ARHGEF38: variants seen among roughly 807,000 people sequenced by gnomAD.
ARHGEF38 encodes the protein Rho guanine nucleotide exchange factor (GEF) 38.
A neutral mutation model predicts 79.9 loss-of-function variants in ARHGEF38; 79 were observed. The observed-to-expected ratio is 0.99, with a 90% CI of 0.82 to 1.19. The LOEUF (loss-of-function observed/expected upper bound fraction) is 1.19, where lower values mean the gene tolerates loss of function less well. ARHGEF38 is among the 50% of genes most tolerant of loss of function. ARHGEF38 has a pLI of 0.00. For missense variants in ARHGEF38, 962 were observed against 907.2 expected (o/e 1.06, Z -0.78); for synonymous variants, 366 against 328.3 (o/e 1.11, Z -1.24).
At chr4:105,625,804 A>T (rs1728920641) in intron 3 of ARHGEF38, among the ~76,000 whole-genome samples, 1 of 152,176 alleles carries the variant, frequency 6.6e-6, no homozygotes, top group Non-Finnish European at 1.5e-5. Context: ...CCATGGGGAG[A>T]CAGCTAGCAA....
At chr4:105,607,421 G>T (rs757448726) in intron 2 of ARHGEF38, among the ~76,000 whole-genome samples, 25 of 151,998 alleles carry the variant, frequency 1.6e-4, no homozygotes, top group Non-Finnish European at 3.2e-4. Context: ...CATGTGCATT[G>T]TACAGATTCA....
intron 1 of ARHGEF38, chr4:105,561,518 T>TGG (rs1725617992): frequency 6.7e-6 from 1 of 148,742 alleles, no homozygotes; most frequent in Non-Finnish European, 1.5e-5. Flanking sequence ...TAGAATAGAA[T>TGG]AGAATAGAAT....
chr4:105,664,779 G>C (rs1024515883), intron 10 of ARHGEF38, among the ~76,000 whole-genome samples: 6 of 152,188 alleles, frequency 3.9e-5, no homozygotes, highest in Non-Finnish European at 1.5e-5. Flanking sequence ...AAGAAATATG[G>C]GGAGGGAGCA....
chr4:105,667,834 C>A, intron 13 of ARHGEF38, 131 bp downstream of exon 13: 1 of 1,034,346 alleles, frequency 9.7e-7, no homozygotes, highest in Non-Finnish European at 1.4e-6. Flanking sequence ...GCTCTATTAG[C>A]ACAGTGGATC....
chr4:105,570,659 T>C (rs1560691675), intron 1 of ARHGEF38, among the ~76,000 whole-genome samples: 1 of 152,186 alleles, frequency 6.6e-6, no homozygotes, highest in Non-Finnish European at 1.5e-5. Flanking sequence ...GTAACCATCC[T>C]TGTAACCATC....
chr4:105,566,610 AT>A (rs962202429), intron 1 of ARHGEF38, among the ~76,000 whole-genome samples: 1 of 151,816 alleles, frequency 6.6e-6, no homozygotes, highest in African/African-American at 2.4e-5. Context: ...CAATTAAATT[AT>A]TTTTTTATTA....
At chr4:105,677,067 T>G (rs1044533635) in intron 13 of ARHGEF38, among the ~76,000 whole-genome samples, 1 of 151,746 alleles carries the variant, frequency 6.6e-6, no homozygotes. Context: ...GGGTTCAAGC[T>G]ATTCTCCTGC....
intron 1 of ARHGEF38, among the ~76,000 whole-genome samples, chr4:105,554,450 T>C (rs1043209180): frequency 6.6e-6 from 1 of 152,184 alleles, no homozygotes; most frequent in Non-Finnish European, 1.5e-5. Context: ...AGTGAGAACA[T>C]GCAGTATTTG....
Position 105,613,527 on chromosome 4 carries a change from G to A in ARHGEF38, c.508+20G>A, listed in dbSNP as rs201181854. On this transcript the variant is annotated intron_variant, in intron 3 of 13. Transcript: ENST00000420470. ...TAATTGGTATGTTTATTCTCTTCTCGAGTTCTACAATACAACAGGAAATAA... is the reference window on the plus strand; with the variant it reads ...TAATTGGTATGTTTATTCTCTTCTCAAGTTCTACAATACAACAGGAAATAA... The A allele has an allele frequency of 1.6e-4, 251 of 1,610,194 alleles. No homozygotes were observed. The East Asian group carries it at 2.6e-3, about 16-fold the overall frequency.
intron 10 of ARHGEF38, among the ~76,000 whole-genome samples, chr4:105,659,664 T>C (rs1014184676): frequency 6.6e-6 from 1 of 152,198 alleles, no homozygotes; most frequent in Non-Finnish European, 1.5e-5. Flanking sequence ...TGATGCAACA[T>C]TGAAGCTTAT....
At chr4:105,563,566 A>T (rs1434838248) in intron 1 of ARHGEF38, among the ~76,000 whole-genome samples, 1 of 152,232 alleles carries the variant, frequency 6.6e-6, no homozygotes, top group Non-Finnish European at 1.5e-5. Context: ...GTGGTCACAT[A>T]GCTATTAATA....
chr4:105,659,116 G>A lies in ARHGEF38; in HGVS notation c.1296G>A (p.Gly432=). 2 of 1,536,074 alleles carry A rather than the reference G, an allele frequency of 1.3e-6. No homozygotes were observed. The highest frequency in any genetic ancestry group is 1.2e-5 in the South Asian group (1 of 84,046). The change falls in exon 10 of 14, where the codon GGG becomes GGA. Residue 432 remains glycine (G), a synonymous_variant. Coordinates refer to ENST00000420470, the MANE Select transcript of ARHGEF38 (RefSeq NM_001242729.2). ...CAGCCCTGCTGTCCTTATTCCCAGGGCCTCACAAGCTCATCCAGAAACGCT... is the reference window on the plus strand; with the variant it reads ...CAGCCCTGCTGTCCTTATTCCCAGGACCTCACAAGCTCATCCAGAAACGCT... The part of the protein sequence containing the change: ...PLSALLSLFP[G]PHKLIQKRYD...
chr4:105,622,178 G>A (rs1728762183), intron 3 of ARHGEF38, among the ~76,000 whole-genome samples: 1 of 152,180 alleles, frequency 6.6e-6, no homozygotes, highest in African/African-American at 2.4e-5. Flanking sequence ...AGGATGGTAA[G>A]TTCTAGGATG....
At chr4:105,575,184 G>A (rs1560694985) in intron 1 of ARHGEF38, among the ~76,000 whole-genome samples, 1 of 152,062 alleles carries the variant, frequency 6.6e-6, no homozygotes, top group Non-Finnish European at 1.5e-5. Context: ...ATCCATTAGT[G>A]GGATGGCTGG....
chr4:105,606,782 T>C (rs953552789), intron 2 of ARHGEF38, among the ~76,000 whole-genome samples: 1 of 152,076 alleles, frequency 6.6e-6, no homozygotes, highest in African/African-American at 2.4e-5. Context: ...ATTTGAAGTA[T>C]ATAATTTTTT....
chr4:105,657,414 T>C (rs758778754), intron 9 of ARHGEF38, among the ~76,000 whole-genome samples: 1 of 152,166 alleles, frequency 6.6e-6, no homozygotes, highest in Admixed American at 6.5e-5. Flanking sequence ...TAGAACTCTT[T>C]TTAAAAATCA....
intron 7 of ARHGEF38, 47 bp downstream of exon 7, chr4:105,648,729 T>C (rs1320534375): frequency 1.4e-6 from 2 of 1,465,746 alleles, no homozygotes; most frequent in East Asian, 2.5e-5. Flanking sequence ...GGAACATGAA[T>C]GCAGATATTT....
chr4:105,655,945 G>T (rs1412376858), intron 9 of ARHGEF38, among the ~76,000 whole-genome samples: 1 of 152,170 alleles, frequency 6.6e-6, no homozygotes, highest in East Asian at 1.9e-4. Flanking sequence ...ACCACAGATT[G>T]TGTTTCTAGG....
intron 1 of ARHGEF38, among the ~76,000 whole-genome samples, chr4:105,572,657 C>T (rs866161850): frequency 6.6e-6 from 1 of 152,130 alleles, no homozygotes; most frequent in African/African-American, 2.4e-5. Context: ...TTGTGCCTGG[C>T]TTATTTTACT....
Sources: gnomAD v4.1 joint callset for allele counts (sites outside exome capture counted in the v4.1 genomes callset) on GRCh38, gnomAD v4.1.1 for gene constraint, MANE v1.5 for transcripts, NCBI Gene and HGNC (gene_info 2026-07-23, HGNC 2026-07-21) for gene names.